XRN1: variants seen among roughly 807,000 people sequenced by gnomAD.
The protein encoded by XRN1 is strand-exchange protein 1 homolog.
A neutral mutation model predicts 222.3 loss-of-function variants in XRN1; 67 were observed. The observed-to-expected ratio is 0.30, with a 90% CI of 0.25 to 0.37. The LOEUF is 0.37. Ranked by LOEUF, XRN1 falls within the 10% of genes least tolerant of loss-of-function variation. The probability of loss-of-function intolerance (pLI) is 1.00; values close to 1 mark genes in which losing one functional copy is unlikely to be tolerated. For missense variants in XRN1, 1,707 were observed against 2,000.2 expected, an observed-to-expected ratio of 0.85 and a Z score of 2.80; for synonymous variants, 643 against 652.4, an observed-to-expected ratio of 0.99 and a Z score of 0.22.
chr3:142,375,177 C>T (rs1008766013), intron 25 of XRN1, among the ~76,000 whole-genome samples: 3 of 152,104 alleles, frequency 2.0e-5, no homozygotes, highest in Admixed American at 1.3e-4. Flanking sequence ...CCACCCAGTT[C>T]GTGGTACTTT....
At chr3:142,337,780 T>C (rs1167742570) in intron 33 of XRN1, among the ~76,000 whole-genome samples, 1 of 152,176 alleles carries the variant, frequency 6.6e-6, no homozygotes, top group African/African-American at 2.4e-5. Flanking sequence ...CACTCTAAGA[T>C]TTATCTCAAG....
chr3:142,313,036 A>C, intron 39 of XRN1: 1 of 1,343,988 alleles, frequency 7.4e-7, no homozygotes, highest in Non-Finnish European at 1.0e-6. Context: ...AGTTTTAGGA[A>C]TATTTGCAAT....
chr3:142,416,931 T>C (rs1433993811), intron 13 of XRN1, among the ~76,000 whole-genome samples: 1 of 149,010 alleles, frequency 6.7e-6, no homozygotes, highest in Non-Finnish European at 1.5e-5. Flanking sequence ...ACTCAGGGGG[T>C]TGAGGCAGAA....
chr3:142,396,785 T>C (rs1166973009), intron 20 of XRN1, among the ~76,000 whole-genome samples: 1 of 152,136 alleles, frequency 6.6e-6, no homozygotes, highest in Non-Finnish European at 1.5e-5. Flanking sequence ...ATTCTTGTGT[T>C]TGGATGGCAA....
intron 11 of XRN1, 87 bp from the exon 12 acceptor site, chr3:142,418,696 T>C (rs1306764495): frequency 1.1e-5 from 15 of 1,425,972 alleles, no homozygotes; most frequent in Non-Finnish European, 1.4e-5. Flanking sequence ...CATATCCAAG[T>C]TGATGCTTAT....
intron 33 of XRN1, among the ~76,000 whole-genome samples, chr3:142,344,655 G>C (rs374385153): frequency 6.6e-6 from 1 of 151,878 alleles, no homozygotes. Context: ...ATTGAAAAAA[G>C]CATGAAAAAG....
chr3:142,412,910 T>C (rs1254429561), intron 14 of XRN1, among the ~76,000 whole-genome samples: 3 of 152,210 alleles, frequency 2.0e-5, no homozygotes, highest in Non-Finnish European at 4.4e-5. Context: ...AAGTCATCCT[T>C]ACTCTCAACA....
chr3:142,358,030 T>C (rs7618139), intron 30 of XRN1, among the ~76,000 whole-genome samples: 10,579 of 152,052 alleles, frequency 0.07, 1,242 homozygotes, highest in African/African-American at 0.24. Context: ...AGTGTGAGAA[T>C]CTGTCTCAAA....
intron 33 of XRN1, among the ~76,000 whole-genome samples, chr3:142,338,347 C>T (rs532032881): frequency 8.5e-5 from 13 of 152,278 alleles, no homozygotes; most frequent in Middle Eastern, 3.4e-3. Flanking sequence ...TCTCTAGACA[C>T]GCCCTGGGCC....
intron 36 of XRN1, among the ~76,000 whole-genome samples, chr3:142,330,593 GT>G (rs74269485): frequency 0.07 from 9,613 of 137,028 alleles, 910 homozygotes; most frequent in African/African-American, 0.22. Flanking sequence ...AAGCCTATGA[GT>G]TTTTTTTTTT....
At chr3:142,325,565 A>G (rs2065493339) in intron 37 of XRN1, among the ~76,000 whole-genome samples, 1 of 151,946 alleles carries the variant, frequency 6.6e-6, no homozygotes, top group Non-Finnish European at 1.5e-5. Flanking sequence ...TATTCTGGCT[A>G]TTAATATCTT....
rs368555900 is a variant in XRN1, at chr3:142,427,894, A to G, written c.309-1053T>C. The stretch of plus-strand genomic sequence containing the variant: ...TAGCTTCATCTACTGTGCCCCACAC[A>G]ATTCTATTTCTGTGATGAACAAACT... On this transcript the variant is annotated intron_variant, in intron 2 of 40. Transcript: ENST00000392981. Among the ~76,000 whole-genome samples, 8 of 152,192 alleles carry G rather than the reference A, an allele frequency of 5.3e-5. No individual in the cohort carries two copies. The East Asian group carries it at 7.7e-4, about 15-fold the overall frequency.
intron 11 of XRN1, 71 bp from the exon 12 acceptor site, chr3:142,418,680 T>C: frequency 6.9e-7 from 1 of 1,441,302 alleles, no homozygotes; most frequent in South Asian, 1.2e-5. Context: ...AATGATTTGA[T>C]AAATGCATAT....
chr3:142,437,462 T>C (rs964832386), intron 1 of XRN1, among the ~76,000 whole-genome samples: 4 of 152,190 alleles, frequency 2.6e-5, no homozygotes, highest in African/African-American at 9.7e-5. Context: ...TCTGATCACA[T>C]TGCTTCCTTA....
At chr3:142,320,486 T>C (rs185852262) in intron 37 of XRN1, among the ~76,000 whole-genome samples, 154 of 152,334 alleles carry the variant, frequency 1.0e-3, no homozygotes, top group Non-Finnish European at 1.7e-3. Flanking sequence ...GTCAGATACA[T>C]AGTTTGCAAA....
At chr3:142,377,444 T>C (rs1016166437) in intron 23 of XRN1, among the ~76,000 whole-genome samples, 3 of 152,140 alleles carry the variant, frequency 2.0e-5, no homozygotes, top group Non-Finnish European at 4.4e-5. Context: ...CAAATATAAG[T>C]AGCAACACTT....
In XRN1 at chr3:142,311,343, A is replaced by C; in HGVS notation, c.*168T>G. On this transcript the variant is annotated 3_prime_UTR_variant, in exon 41 of 41. Transcript: ENST00000392981. ...ACTTAAAGTGCACAATTTGATACAC[A>C]GTCTTTTAAACAGCATGAAAAGTGC... The C allele has an allele frequency of 1.8e-6, 1 of 546,980 alleles. No individual in the cohort carries two copies. 33.9% of individuals were successfully genotyped at this position (546,980 alleles called of 1,614,324 possible). A position where few individuals can be genotyped will look rare whatever the true frequency, so the allele number is the denominator to read the frequency against.
intron 37 of XRN1, among the ~76,000 whole-genome samples, chr3:142,323,975 G>A (rs1451784981): frequency 6.6e-6 from 1 of 151,680 alleles, no homozygotes. Context: ...TCAAATCACA[G>A]TAACTGAGAT....
At position 142,312,784 on chromosome 3, in the gene XRN1, C is replaced by A. The variant is rs767922826; in HGVS notation, c.4622-26G>T. On this transcript the variant is annotated intron_variant, in intron 39 of 40. Transcript: ENST00000392981. ...CTGTTAAAAACCAAGGAAAATTTTTCTTTTAGTAAAATGGTATCATCAAAG... is the reference window on the plus strand; with the variant it reads ...CTGTTAAAAACCAAGGAAAATTTTTATTTTAGTAAAATGGTATCATCAAAG... The A allele has an allele frequency of 1.5e-5, 23 of 1,572,774 alleles. No individual in the cohort carries two copies. In the South Asian group the frequency reaches 2.5e-4, roughly 17 times the overall value.
Sources: gnomAD v4.1 joint callset for allele counts (sites outside exome capture counted in the v4.1 genomes callset) on GRCh38, gnomAD v4.1.1 for gene constraint, MANE v1.5 for transcripts, NCBI Gene and HGNC (gene_info 2026-07-23, HGNC 2026-07-21) for gene names.